MYCBP: variants seen among roughly 807,000 people sequenced by gnomAD.
MYCBP encodes the protein C-Myc-binding protein.
In MYCBP, 5 loss-of-function variants were observed where a neutral mutation model predicts 16.8. The ratio of observed to expected loss-of-function variants is 0.30; its 90% CI spans 0.16 to 0.63. MYCBP has a LOEUF of 0.63. Ranked by LOEUF, MYCBP falls within the 20% of genes least tolerant of loss-of-function variation. The pLI, the probability that MYCBP is intolerant of heterozygous loss-of-function variation, is 0.83. For synonymous variants in MYCBP, 35 were observed against 43.7 expected (o/e 0.80, Z 0.79); for missense variants, 103 against 121.8 (o/e 0.85, Z 0.73).
Position 38,862,745 on chromosome 1 carries a change from C to A in MYCBP, c.*1925G>T, listed in dbSNP as rs1642267607. Reference sequence around the variant, plus strand: ...ATAGCACTGACTGTTACAGTTTAAGCAAGTCAGTTTCACCTAAAAGTGTGA... The same window carrying A: ...ATAGCACTGACTGTTACAGTTTAAGAAAGTCAGTTTCACCTAAAAGTGTGA... On this transcript the variant is annotated 3_prime_UTR_variant, in exon 5 of 5. Transcript: ENST00000397572. 6.6e-6 allele frequency among the ~76,000 whole-genome samples: 1 copy of A among 152,186 alleles called. No individual in the cohort carries two copies. The highest frequency in any genetic ancestry group is 2.1e-4 in the South Asian group (1 of 4,828).
chr1:38,866,183 A>C lies in MYCBP; in HGVS notation c.267+697T>G, dbSNP rs545094237. 2.0e-4 allele frequency among the ~76,000 whole-genome samples: 29 copies of C among 145,474 alleles called. No homozygotes were observed. The South Asian group carries it at 4.3e-3, about 22-fold the overall frequency. ...CCTGCCTCAGCCTCCCAAGTAGCTGAGATTACAGGCATGCACCACCAAGCC... is the reference window on the plus strand; with the variant it reads ...CCTGCCTCAGCCTCCCAAGTAGCTGCGATTACAGGCATGCACCACCAAGCC... On this transcript the variant is annotated intron_variant, in intron 4 of 4. Coordinates refer to ENST00000397572, the MANE Select transcript of MYCBP (RefSeq NM_012333.5).
At chr1:38,870,820 A>C (rs1315453351) in intron 2 of MYCBP, among the ~76,000 whole-genome samples, 5 of 150,242 alleles carry the variant, frequency 3.3e-5, no homozygotes, top group East Asian at 1.9e-4. Flanking sequence ...AAAAAAAAAA[A>C]AAAAAAAACA....
At position 38,873,010 on chromosome 1, in the gene MYCBP, A is replaced by T; in HGVS notation, c.88+8T>A. 6.4e-7 allele frequency: 1 copy of T among 1,571,312 alleles called. No individual in the cohort carries two copies. The highest frequency in any genetic ancestry group is 8.6e-7 in the Non-Finnish European group (1 of 1,158,332). On this transcript the variant is annotated splice_region_variant and intron_variant, in intron 2 of 4. Transcript: ENST00000397572. Reference sequence around the variant, plus strand: ...GGCACGAGGTACCCTCTCCTAGCCCAGGCTCACCCTTGGTCAGCGTGTCCA... The same window carrying T: ...GGCACGAGGTACCCTCTCCTAGCCCTGGCTCACCCTTGGTCAGCGTGTCCA...
At chr1:38,864,995 T>C (rs1210825240) in intron 4 of MYCBP, among the ~76,000 whole-genome samples, 1 of 152,230 alleles carries the variant, frequency 6.6e-6, no homozygotes, top group African/African-American at 2.4e-5. Flanking sequence ...CAATAAACTA[T>C]ATCTTCCCAA....
intron 3 of MYCBP, 134 bp downstream of exon 3, chr1:38,867,428 C>T (rs546987404): frequency 1.4e-6 from 1 of 708,822 alleles, no homozygotes; most frequent in South Asian, 2.1e-5. Context: ...CACCAGGTGA[C>T]AGTACAAGAC....
intron 4 of MYCBP, among the ~76,000 whole-genome samples, chr1:38,865,939 CCTACTTAAAATCAA>C (rs1642325679): frequency 6.6e-6 from 1 of 151,516 alleles, no homozygotes; most frequent in South Asian, 2.1e-4. Context: ...CCCATATTGG[CCTACTTAAAATCAA>C]CTGCTTAAGA....
At chr1:38,866,413 CT>C (rs763154379) in intron 4 of MYCBP, among the ~76,000 whole-genome samples, 942 of 136,422 alleles carry the variant, frequency 6.9e-3, no homozygotes, top group Middle Eastern at 0.012. Flanking sequence ...TTGCGGTTTT[CT>C]TTTTTTTTTT....
At chr1:38,867,673 G>A (rs1159507480) in intron 2 of MYCBP, 63 bp from the exon 3 acceptor site, 2 of 1,410,712 alleles carry the variant, frequency 1.4e-6, no homozygotes, top group South Asian at 1.2e-5. Flanking sequence ...CTGAAATTAT[G>A]TTCCATTACC....
chr1:38,868,646 C>CT (rs1464713582), intron 2 of MYCBP, among the ~76,000 whole-genome samples: 5 of 152,166 alleles, frequency 3.3e-5, no homozygotes, highest in Admixed American at 2.6e-4. Flanking sequence ...TGGCTCACAC[C>CT]TGTAATCCCA....
chr1:38,867,069 G>T (rs1642356858), intron 3 of MYCBP, 60 bp from the exon 4 acceptor site: 4 of 1,481,548 alleles, frequency 2.7e-6, no homozygotes, highest in Non-Finnish European at 2.8e-6. Flanking sequence ...AAATAGCACA[G>T]AGTAGTATCA....
At chr1:38,864,793 T>C (rs1425584545) in intron 4 of MYCBP, 79 bp from the exon 5 acceptor site, 4 of 1,324,004 alleles carry the variant, frequency 3.0e-6, no homozygotes, top group African/African-American at 2.9e-5. Flanking sequence ...GTAACTGTTA[T>C]ATTCAACTTA....
chr1:38,866,805 C>T, intron 4 of MYCBP, 75 bp downstream of exon 4: 1 of 1,189,324 alleles, frequency 8.4e-7, no homozygotes, highest in Non-Finnish European at 1.2e-6. Context: ...CCCTCCTGTC[C>T]ATTTCAGTGA....
Position 38,864,560 on chromosome 1 carries a change from A to T in MYCBP, c.*110T>A. ...TTTAACAGAGTGTGATAGGTGAATT[A>T]AACATATTAAAAGAGTTCTATAGCA... is the stretch of plus-strand genomic sequence containing the variant. On this transcript the variant is annotated 3_prime_UTR_variant, in exon 5 of 5. Coordinates refer to ENST00000397572, the MANE Select transcript of MYCBP (RefSeq NM_012333.5). 9.2e-7 allele frequency: 1 copy of T among 1,087,374 alleles called. No homozygotes were observed. The highest frequency in any genetic ancestry group is 1.4e-6 in the Non-Finnish European group (1 of 719,210). The allele number at this position is 1,087,374 out of a possible 1,614,324, so 67.4% of individuals were successfully genotyped here.
intron 2 of MYCBP, among the ~76,000 whole-genome samples, chr1:38,870,225 T>C (rs1220888309): frequency 6.6e-6 from 1 of 150,636 alleles, no homozygotes; most frequent in Admixed American, 6.6e-5. Flanking sequence ...TGCGTGCCTG[T>C]AGTCTCAGCT....
At chr1:38,873,150 G>GGGAGTCCGGCAACCC (rs1553155930) in intron 1 of MYCBP, 60 bp from the exon 2 acceptor site, 1 of 1,551,584 alleles carries the variant, frequency 6.4e-7, no homozygotes, top group Non-Finnish European at 8.7e-7. Context: ...AGAAGGCGCT[G>GGGAGTCCGGCAACCC]GGAGTCCGGC....
chr1:38,866,848 T>A (rs1403813683), intron 4 of MYCBP, 32 bp downstream of exon 4: 1 of 1,435,134 alleles, frequency 7.0e-7, no homozygotes, highest in African/African-American at 1.5e-5. Flanking sequence ...CAGGTAAAAT[T>A]ATTTGAATAT....
At chr1:38,870,280 A>G (rs1475227968) in intron 2 of MYCBP, among the ~76,000 whole-genome samples, 1 of 151,860 alleles carries the variant, frequency 6.6e-6, no homozygotes, top group Non-Finnish European at 1.5e-5. Flanking sequence ...CTGGGAGATT[A>G]AGACTGCACT....
rs1203466967 is a variant in MYCBP at position 38,862,890 on chromosome 1, T to C, written c.*1780A>G. 6.6e-6 allele frequency: 1 copy of C among 152,184 alleles called. No homozygotes were observed. Among genetic ancestry groups the C allele is most frequent in the East Asian group, 1.9e-4 (1 of 5,208 alleles). 9.4% of individuals were successfully genotyped at this position (152,184 alleles called of 1,614,324 possible). ...CAAATGAGTAAAAAGCCCATGAGGA[T>C]TGGCTGCCACAAAAAATTTTCAACC... is the stretch of plus-strand genomic sequence containing the variant. On this transcript the variant is annotated 3_prime_UTR_variant, in exon 5 of 5. Transcript: ENST00000397572.
chr1:38,864,916 C>T (rs946936247), intron 4 of MYCBP, among the ~76,000 whole-genome samples: 1 of 152,132 alleles, frequency 6.6e-6, no homozygotes, highest in Non-Finnish European at 1.5e-5. Flanking sequence ...TTTATATAAA[C>T]CTTTAAAATT....
Sources: gnomAD v4.1 joint callset for allele counts (sites outside exome capture counted in the v4.1 genomes callset) on GRCh38, gnomAD v4.1.1 for gene constraint, MANE v1.5 for transcripts, NCBI Gene and HGNC (gene_info 2026-07-23, HGNC 2026-07-21) for gene names.